COL1A2: variants seen among roughly 807,000 people sequenced by gnomAD.
The protein encoded by COL1A2 is collagen type I alpha 2 chain, also known as collagen alpha-2(I) chain.
COL1A2 carries 49 observed loss-of-function variants against 174.3 expected under a neutral mutation model. The observed-to-expected ratio is 0.28, with a 90% CI of 0.22 to 0.36. The LOEUF (loss-of-function observed/expected upper bound fraction) is 0.36. COL1A2 is among the 10% of genes least tolerant of loss of function. The pLI, the probability that COL1A2 is intolerant of heterozygous loss-of-function variation, is 1.00. For synonymous variants in COL1A2, 655 were observed against 606.6 expected (o/e 1.08, Z -1.17); for missense variants, 1,438 against 1,822.7 (o/e 0.79, Z 3.84).
Position 94,413,920 on chromosome 7 carries a change from G to C in COL1A2, c.1638G>C (p.Gln546His), listed in dbSNP as rs1334082120. Residue 546 changes from glutamine (Q) to histidine (H), a missense_variant, in exon 28 of 52, where the codon CAG becomes CAC. By Grantham distance (24) the Gln-to-His change is conservative. Around this residue, in one of 3 missense-constraint regions of COL1A2, gnomAD observed 867 missense variants for 1,213.7 expected, o/e 0.71. Transcript: ENST00000297268. Reference protein sequence around the residue: ...PQGVQGGKGEQGPPGPPGFQG... With the variant: ...PQGVQGGKGEHGPPGPPGFQG... ...GTGTTCAAGGTGGAAAAGGTGAACAGGGTCCCCCTGGTCCTCCAGGCTTCC... is the reference window on the plus strand; with the variant it reads ...GTGTTCAAGGTGGAAAAGGTGAACACGGTCCCCCTGGTCCTCCAGGCTTCC... 2.5e-6 allele frequency: 4 copies of C among 1,613,922 alleles called. No homozygotes were observed. The African/African-American group carries it at 5.3e-5, about 22-fold the overall frequency.
chr7:94,398,354 T>A (rs766951851), intron 2 of COL1A2, 28 bp from the exon 3 acceptor site: 11 of 841,644 alleles, frequency 1.3e-5, no homozygotes, highest in Non-Finnish European at 1.9e-5. Flanking sequence ...ATTTTCTTCA[T>A]AATAATCTTT....
At chr7:94,405,162 CAAGAAG>C (rs753781949) in intron 9 of COL1A2, 31 bp from the exon 10 acceptor site, 2 of 1,609,776 alleles carry the variant, frequency 1.2e-6, no homozygotes, top group South Asian at 2.2e-5. Flanking sequence ...GATAGTTTAC[CAAGAAG>C]AAGTTGACTC....
chr7:94,427,297 TA>T lies in COL1A2; in HGVS notation c.3267+4del. On this transcript the variant is annotated splice_donor_region_variant and intron_variant, in intron 48 of 51. Coordinates refer to ENST00000297268, the MANE Select transcript of COL1A2 (RefSeq NM_000089.4). ...CCTCAGGGTCACCAAGGCCCTGCTG[TA>T]AGTATGATTTGGGGAAATAATAAAG... 6.2e-7 allele frequency: 1 copy of T among 1,606,634 alleles called. No individual in the cohort carries two copies. Among genetic ancestry groups the T allele is most frequent in the Non-Finnish European group, 8.5e-7 (1 of 1,175,412 alleles).
chr7:94,405,805 G>C, intron 11 of COL1A2, 79 bp downstream of exon 11: 1 of 1,110,948 alleles, frequency 9.0e-7, no homozygotes, highest in Non-Finnish European at 1.4e-6. Context: ...AAAATCTTGG[G>C]TGACATATAC....
At chr7:94,407,803 A>G in intron 12 of COL1A2, 44 bp from the exon 13 acceptor site, 1 of 1,588,794 alleles carries the variant, frequency 6.3e-7, no homozygotes, top group Non-Finnish European at 8.6e-7. Flanking sequence ...AGGAAAAATA[A>G]TTGTTATATT....
Position 94,424,953 on chromosome 7 carries a change from G to A in COL1A2, c.2674-164G>A, listed in dbSNP as rs947339431. The A allele has an allele frequency of 1.9e-5, 13 of 673,634 alleles. No individual in the cohort carries two copies. In the East Asian group the frequency reaches 2.8e-4, roughly 14 times the overall value. The allele number at this position is 673,634 out of a possible 1,614,324, so 41.7% of individuals were successfully genotyped here. A position where few individuals can be genotyped will look rare whatever the true frequency, so the allele number is the denominator to read the frequency against. On this transcript the variant is annotated intron_variant, in intron 41 of 51. Transcript: ENST00000297268. ...GGCCATCTACATGTGGAGAAGGAGGGCAGAGATGATACTAATGATACTTCT... is the reference window on the plus strand; with the variant it reads ...GGCCATCTACATGTGGAGAAGGAGGACAGAGATGATACTAATGATACTTCT...
intron 38 of COL1A2, 27 bp downstream of exon 38, chr7:94,421,089 G>A (rs201611266): frequency 9.7e-5 from 156 of 1,612,816 alleles, no homozygotes; most frequent in East Asian, 9.4e-4. Context: ...GACTCTCGCC[G>A]CTTTTCTTTT....
chr7:94,403,989 T>C (rs1791743666), intron 6 of COL1A2, among the ~76,000 whole-genome samples: 1 of 152,186 alleles, frequency 6.6e-6, no homozygotes, highest in African/African-American at 2.4e-5. Context: ...GTTTTATTTT[T>C]CCTTCACCCC....
chr7:94,405,995 T>C (rs763547495), intron 11 of COL1A2, among the ~76,000 whole-genome samples: 5 of 152,132 alleles, frequency 3.3e-5, no homozygotes, highest in Non-Finnish European at 7.4e-5. Context: ...CGTCTGAAAA[T>C]CATAAAATTA....
chr7:94,426,845 A>T, intron 46 of COL1A2, 163 bp from the exon 47 acceptor site: 2 of 684,296 alleles, frequency 2.9e-6, no homozygotes, highest in South Asian at 3.6e-5. Context: ...AAAAAATTGA[A>T]TATAATAGAC....
chr7:94,427,432 T>C, intron 48 of COL1A2, 137 bp downstream of exon 48: 1 of 1,068,828 alleles, frequency 9.4e-7, no homozygotes, highest in Non-Finnish European at 1.4e-6. Flanking sequence ...CTGGAAATTG[T>C]CTATATGCAA....
intron 31 of COL1A2, 26 bp from the exon 32 acceptor site, chr7:94,417,698 T>A: frequency 1.3e-6 from 2 of 1,543,866 alleles, no homozygotes; most frequent in Non-Finnish European, 1.8e-6. Flanking sequence ...TCCACTAAAA[T>A]TGATTTCACA....
At chr7:94,425,687 C>T in intron 43 of COL1A2, 24 bp downstream of exon 43, 1 of 1,614,114 alleles carries the variant, frequency 6.2e-7, no homozygotes, top group Non-Finnish European at 8.5e-7. Flanking sequence ...TCATCTTTCT[C>T]TAATTCAAAA....
intron 10 of COL1A2, 85 bp downstream of exon 10, chr7:94,405,337 C>T: frequency 7.7e-7 from 1 of 1,305,410 alleles, no homozygotes; most frequent in South Asian, 1.2e-5. Context: ...TAAATGACAA[C>T]ATAGATGTCA....
intron 38 of COL1A2, chr7:94,421,309 G>A (rs1403723889): frequency 6.5e-5 from 37 of 567,682 alleles, no homozygotes; most frequent in Admixed American, 2.5e-4. Flanking sequence ...TTGTAAAGTC[G>A]GAAAAAATAT....
At position 94,409,762 on chromosome 7, in the gene COL1A2, C is replaced by T; in HGVS notation, c.976C>T (p.Pro326Ser). 2 of 1,614,146 alleles carry T rather than the reference C, an allele frequency of 1.2e-6. No homozygotes were observed. Among genetic ancestry groups the T allele is most frequent in the Non-Finnish European group, 1.7e-6 (2 of 1,180,028 alleles). Residue 326 changes from proline (P) to serine (S), a missense_variant, in exon 19 of 52, where the codon CCC (proline) becomes TCC (serine). Transcript: ENST00000297268. ...GVAGAPGLPG[P>S]RGIPGPVGAA... ...TGCTGGGGCTCCCGGCCTCCCTGGA[C>T]CCCGCGGTATTCCTGGCCCTGTTGG...
At chr7:94,406,112 C>A in intron 11 of COL1A2, 138 bp from the exon 12 acceptor site, 1 of 854,558 alleles carries the variant, frequency 1.2e-6, no homozygotes, top group Non-Finnish European at 1.9e-6. Flanking sequence ...TTTGCTGGGA[C>A]CTGGAACACT....
At position 94,409,743 on chromosome 7, in the gene COL1A2, G is replaced by C. The variant is rs762777785; in HGVS notation, c.957G>C (p.Gly319=). 1 of 1,613,966 alleles carries C rather than the reference G, an allele frequency of 6.2e-7. No individual in the cohort carries two copies. Among genetic ancestry groups the C allele is most frequent in the South Asian group, 1.1e-5 (1 of 91,082 alleles). ...CACAGGGCCTTCCCGGCGTTGCTGG[G>C]GCTCCCGGCCTCCCTGGACCCCGCG... is the stretch of plus-strand genomic sequence containing the variant. ...KGAAGLPGVA[G]APGLPGPRGI... is the part of the protein sequence containing the mutation. Residue 319 remains glycine, a synonymous_variant, in exon 19 of 52, where the codon GGG becomes GGC. Coordinates refer to ENST00000297268, the MANE Select transcript of COL1A2 (RefSeq NM_000089.4).
chr7:94,395,174 G>A (rs1464796226), intron 1 of COL1A2, 73 bp downstream of exon 1: 1 of 1,278,620 alleles, frequency 7.8e-7, no homozygotes, highest in African/African-American at 1.5e-5. Flanking sequence ...CCCTGAAAAG[G>A]AAAACCTGTA....
Sources: gnomAD v4.1 joint callset for allele counts (sites outside exome capture counted in the v4.1 genomes callset) on GRCh38, gnomAD v4.1.1 for gene constraint, gnomAD v4.1.1 regional missense constraint, MANE v1.5 for transcripts, NCBI Gene and HGNC (gene_info 2026-07-23, HGNC 2026-07-21) for gene names.